Variants in GULP1 observed in about 807,000 individuals in gnomAD.
GULP1 encodes the protein PTB domain-containing engulfment adapter protein 1.
A neutral mutation model predicts 40.9 loss-of-function variants in GULP1; 19 were observed. That is an observed-to-expected ratio of 0.46 (90% confidence interval 0.32 to 0.68). GULP1 has a LOEUF of 0.68. GULP1 is among the 30% of genes least tolerant of loss of function. The pLI is 0.03. For synonymous variants in GULP1, 119 were observed against 117.6 expected, an observed-to-expected ratio of 1.01 and a Z score of -0.08; for missense variants, 312 against 362.2, an observed-to-expected ratio of 0.86 and a Z score of 1.12.
chr2:188,579,176 T>A (rs1700771037), intron 9 of GULP1, among the ~76,000 whole-genome samples: 1 of 152,126 alleles, frequency 6.6e-6, no homozygotes, highest in Non-Finnish European at 1.5e-5. Context: ...CAAACTTTAA[T>A]ATAGCCCAGA....
chr2:188,345,177 A>G lies in GULP1; in HGVS notation c.-171-38586A>G, dbSNP rs535442776. Among the ~76,000 whole-genome samples, 26 of 152,286 alleles carry G rather than the reference A, an allele frequency of 1.7e-4. No individual in the cohort carries two copies. The East Asian group carries it at 4.5e-3, about 26-fold the overall frequency. On this transcript the variant is annotated intron_variant, in intron 1 of 11. Transcript: ENST00000409830. ...CAGTTTGTAGAGCTAGCTGTGAAGC[A>G]GATGGACCCCCTCCTCTCCATGCAG...
chr2:188,369,326 A>G (rs896588716), intron 1 of GULP1, among the ~76,000 whole-genome samples: 1 of 152,022 alleles, frequency 6.6e-6, no homozygotes, highest in Non-Finnish European at 1.5e-5. Flanking sequence ...TTTTAAGACA[A>G]GTTCCTTGAA....
At chr2:188,558,187 C>A (rs1176557211) in intron 7 of GULP1, among the ~76,000 whole-genome samples, 1 of 151,940 alleles carries the variant, frequency 6.6e-6, no homozygotes, top group Non-Finnish European at 1.5e-5. Context: ...TGTGTCCCCA[C>A]CTAAATCTCA....
intron 2 of GULP1, among the ~76,000 whole-genome samples, chr2:188,474,363 C>T (rs1442007609): frequency 6.6e-6 from 1 of 152,156 alleles, no homozygotes; most frequent in Non-Finnish European, 1.5e-5. Context: ...TTTGGAGCCC[C>T]AGAACACTTT....
At chr2:188,362,852 C>G (rs1250386030) in intron 1 of GULP1, among the ~76,000 whole-genome samples, 1 of 151,916 alleles carries the variant, frequency 6.6e-6, no homozygotes, top group African/African-American at 2.4e-5. Context: ...GCTTTTCCCA[C>G]CAAATGTGTA....
intron 2 of GULP1, among the ~76,000 whole-genome samples, chr2:188,390,871 G>T (rs1162181711): frequency 6.6e-6 from 1 of 151,772 alleles, no homozygotes; most frequent in Non-Finnish European, 1.5e-5. Context: ...TATTAAGTAG[G>T]GTGTCCTTTC....
chr2:188,544,942 C>T (rs1691513504), intron 7 of GULP1, among the ~76,000 whole-genome samples: 1 of 151,928 alleles, frequency 6.6e-6, no homozygotes, highest in South Asian at 2.1e-4. Context: ...ACATCATATT[C>T]AAGCTTCTGA....
chr2:188,577,312 C>G (rs1576243345), intron 9 of GULP1, among the ~76,000 whole-genome samples: 1 of 151,680 alleles, frequency 6.6e-6, no homozygotes, highest in Non-Finnish European at 1.5e-5. Context: ...AACAATGTAT[C>G]TATTTATTTT....
At chr2:188,353,758 C>T (rs180753278) in intron 1 of GULP1, among the ~76,000 whole-genome samples, 4 of 151,742 alleles carry the variant, frequency 2.6e-5, no homozygotes, top group Admixed American at 1.3e-4. Context: ...CCCTAGTACC[C>T]AAGCTGAAGA....
intron 1 of GULP1, among the ~76,000 whole-genome samples, chr2:188,378,204 T>C (rs755791308): frequency 6.6e-6 from 1 of 151,786 alleles, no homozygotes; most frequent in Non-Finnish European, 1.5e-5. Context: ...TATAACACTT[T>C]CCAGGCCAGC....
At chr2:188,485,337 C>T (rs2061772949) in intron 4 of GULP1, among the ~76,000 whole-genome samples, 1 of 151,976 alleles carries the variant, frequency 6.6e-6, no homozygotes, top group Non-Finnish European at 1.5e-5. Flanking sequence ...GCAAAAACAT[C>T]TTCCCAGACT....
chr2:188,571,056 G>A (rs926159881), intron 9 of GULP1, among the ~76,000 whole-genome samples: 3 of 152,074 alleles, frequency 2.0e-5, no homozygotes, highest in Admixed American at 1.3e-4. Flanking sequence ...CACTGAGGAG[G>A]CTGAGGTAAG....
chr2:188,451,272 T>C (rs1575343424), intron 2 of GULP1, among the ~76,000 whole-genome samples: 1 of 152,318 alleles, frequency 6.6e-6, no homozygotes, highest in East Asian at 1.9e-4. Flanking sequence ...TTTTGTTGGA[T>C]TGCTGAGTGA....
At chr2:188,369,293 A>G (rs996993565) in intron 1 of GULP1, among the ~76,000 whole-genome samples, 2 of 151,988 alleles carry the variant, frequency 1.3e-5, no homozygotes, top group Non-Finnish European at 2.9e-5. Context: ...GTTGTATACA[A>G]TCAAAGTTTT....
intron 2 of GULP1, among the ~76,000 whole-genome samples, chr2:188,429,402 A>G (rs1205518248): frequency 1.3e-5 from 2 of 152,050 alleles, no homozygotes; most frequent in Non-Finnish European, 2.9e-5. Flanking sequence ...TGGGAGGCTG[A>G]GTTATGAGAA....
chr2:188,483,414 T>A lies in GULP1; in HGVS notation c.29-17T>A. On this transcript the variant is annotated splice_polypyrimidine_tract_variant and intron_variant, in intron 3 of 11. Transcript: ENST00000409830. ...CATGGAAACCTAAAATTTAACTCTG[T>A]GTATTTTTTATTGCAGACAAAACAT... 7.2e-7 allele frequency: 1 copy of A among 1,395,254 alleles called. No individual in the cohort carries two copies. The highest frequency in any genetic ancestry group is 1.0e-6 in the Non-Finnish European group (1 of 993,244). 86.4% of individuals were successfully genotyped at this position (1,395,254 alleles called of 1,614,324 possible). A position where few individuals can be genotyped will look rare whatever the true frequency, so the allele number is the denominator to read the frequency against.
chr2:188,357,993 A>G (rs1219087081), intron 1 of GULP1, among the ~76,000 whole-genome samples: 1 of 152,172 alleles, frequency 6.6e-6, no homozygotes, highest in Admixed American at 6.5e-5. Flanking sequence ...AGCCAGGCCA[A>G]CATGGCGAAA....
At chr2:188,538,435 A>G (rs1689510573) in intron 6 of GULP1, among the ~76,000 whole-genome samples, 1 of 152,098 alleles carries the variant, frequency 6.6e-6, no homozygotes, top group Admixed American at 6.6e-5. Flanking sequence ...CTGGGGAGCA[A>G]TCTTGGAGTT....
chr2:188,536,850 AT>A (rs1380918606), intron 6 of GULP1, among the ~76,000 whole-genome samples: 2 of 151,806 alleles, frequency 1.3e-5, no homozygotes, highest in African/African-American at 4.8e-5. Flanking sequence ...GTCATCTTTG[AT>A]TTTTTTCCAC....
Sources: gnomAD v4.1 joint callset for allele counts (sites outside exome capture counted in the v4.1 genomes callset) on GRCh38, gnomAD v4.1.1 for gene constraint, MANE v1.5 for transcripts, NCBI Gene and HGNC (gene_info 2026-07-23, HGNC 2026-07-21) for gene names.